The following C16orf95 variants were observed in gnomAD, a reference collection of about 807,000 sequenced individuals.
C16orf95 encodes the protein uncharacterized protein C16orf95.
C16orf95 carries 41 observed loss-of-function variants against 32.1 expected under a neutral mutation model. That is an observed-to-expected ratio of 1.28 (90% CI 1.00 to 1.66). C16orf95 has a LOEUF of 1.66. Ranked by LOEUF, C16orf95 falls within the 40% of genes most tolerant of loss-of-function variation. The pLI, the probability that C16orf95 is intolerant of heterozygous loss-of-function variation, is 0.00. For synonymous variants in C16orf95, 147 were observed against 128.9 expected, an observed-to-expected ratio of 1.14 and a Z score of -0.95; for missense variants, 399 against 325.9, an observed-to-expected ratio of 1.22 and a Z score of -1.73.
chr16:87,312,697 A>G (rs1444918074), intron 3 of C16orf95, among the ~76,000 whole-genome samples: 1 of 152,156 alleles, frequency 6.6e-6, no homozygotes. Flanking sequence ...TAGCCAGTGT[A>G]TCAAGCAAGA....
chr16:87,303,956 C>CA (rs1910880685), intron 6 of C16orf95, among the ~76,000 whole-genome samples: 2 of 152,154 alleles, frequency 1.3e-5, no homozygotes, highest in South Asian at 4.1e-4. Flanking sequence ...AGCCTGAGGC[C>CA]AGGGCTTAGC....
At chr16:87,317,020 G>C in intron 1 of C16orf95, 71 bp downstream of exon 1, 3 of 1,455,356 alleles carry the variant, frequency 2.1e-6, no homozygotes, top group Non-Finnish European at 2.7e-6. Flanking sequence ...ATAGGTCATG[G>C]AGCAATGCCG....
chr16:87,306,755 A>T (rs2150647775), intron 5 of C16orf95, among the ~76,000 whole-genome samples: 1 of 152,304 alleles, frequency 6.6e-6, no homozygotes, highest in East Asian at 1.9e-4. Flanking sequence ...CTGCTCTCTT[A>T]ATTCTGTGCT....
At chr16:87,310,209 G>A (rs1911217808) in intron 5 of C16orf95, 88 bp downstream of exon 5, 1 of 1,316,412 alleles carries the variant, frequency 7.6e-7, no homozygotes, top group Non-Finnish European at 1.1e-6. Flanking sequence ...GTCTGGTGAT[G>A]AGAGGTCTGC....
intron 3 of C16orf95, among the ~76,000 whole-genome samples, chr16:87,311,933 G>A (rs753258421): frequency 6.6e-6 from 1 of 152,194 alleles, no homozygotes; most frequent in African/African-American, 2.4e-5. Flanking sequence ...ATGGAACAGA[G>A]CTGTCCGGAC....
At chr16:87,312,361 G>C (rs770587789) in intron 3 of C16orf95, among the ~76,000 whole-genome samples, 1 of 152,154 alleles carries the variant, frequency 6.6e-6, no homozygotes, top group Non-Finnish European at 1.5e-5. Context: ...TTGAGATCAG[G>C]TGTTTGAGAC....
intron 5 of C16orf95, among the ~76,000 whole-genome samples, chr16:87,309,268 T>G (rs1258646273): frequency 2.0e-5 from 3 of 152,112 alleles, no homozygotes; most frequent in Non-Finnish European, 4.4e-5. Flanking sequence ...TTCAGATATG[T>G]TATAATAAGT....
In C16orf95 at chr16:87,302,937, T is replaced by C; in HGVS notation, c.*120A>G. On this transcript the variant is annotated 3_prime_UTR_variant, in exon 7 of 7. Transcript: ENST00000567970. ...AATCATTTGGGTTGAATCCTGGGTG[T>C]GGATTCTGTTCTGAGAAGACAGCGA... 9.7e-7 allele frequency: 1 copy of C among 1,027,180 alleles called. No individual in the cohort carries two copies. Among genetic ancestry groups the C allele is most frequent in the Non-Finnish European group, 1.5e-6 (1 of 683,948 alleles). 63.6% of individuals were successfully genotyped at this position (1,027,180 alleles called of 1,614,324 possible).
intron 5 of C16orf95, among the ~76,000 whole-genome samples, chr16:87,307,319 CTA>C (rs900125459): frequency 1.1e-4 from 17 of 152,144 alleles, no homozygotes; most frequent in Non-Finnish European, 2.5e-4. Flanking sequence ...TCCCCATATA[CTA>C]TGTCATGAGA....
At chr16:87,312,664 C>G (rs971529018) in intron 3 of C16orf95, among the ~76,000 whole-genome samples, 3 of 151,854 alleles carry the variant, frequency 2.0e-5, no homozygotes, top group Admixed American at 1.3e-4. Flanking sequence ...TCACTGCTCT[C>G]TTCAACACTG....
intron 3 of C16orf95, among the ~76,000 whole-genome samples, chr16:87,313,031 T>C (rs1911352875): frequency 6.6e-6 from 1 of 152,158 alleles, no homozygotes; most frequent in Non-Finnish European, 1.5e-5. Context: ...AAAACCTAAA[T>C]AAACATAGAA....
intron 5 of C16orf95, among the ~76,000 whole-genome samples, chr16:87,307,273 A>G (rs945007655): frequency 1.3e-5 from 2 of 152,216 alleles, no homozygotes; most frequent in African/African-American, 4.8e-5. Flanking sequence ...CCTTTTAGAG[A>G]CAAAGAAAGT....
rs1420655086 is a variant in C16orf95, at chr16:87,305,541, GGCA to G, written c.701+175_701+177del. On this transcript the variant is annotated intron_variant, in intron 6 of 6. Transcript: ENST00000567970. The surrounding 1 kb of genome is among the most constrained non-coding windows in gnomAD (Gnocchi z 4.2). The stretch of plus-strand genomic sequence containing the variant: ...GCCCTGGCATCTCTAGGTGACGCGG[GGCA>G]GAGCCTGCGCTGTGCAGAGCACCAC... Among the ~76,000 whole-genome samples the G allele has an allele frequency of 1.3e-5, 2 of 150,672 alleles. No homozygotes were observed. The highest frequency in any genetic ancestry group is 3.0e-5 in the Non-Finnish European group (2 of 67,792).
At chr16:87,312,918 A>C (rs1405257115) in intron 3 of C16orf95, among the ~76,000 whole-genome samples, 1 of 152,234 alleles carries the variant, frequency 6.6e-6, no homozygotes, top group African/African-American at 2.4e-5. Context: ...GAAATTCAAA[A>C]ACAATGTCAT....
intron 5 of C16orf95, among the ~76,000 whole-genome samples, chr16:87,309,166 T>G (rs1275901608): frequency 6.6e-6 from 1 of 152,150 alleles, no homozygotes; most frequent in Non-Finnish European, 1.5e-5. Flanking sequence ...ATGTTTGTTT[T>G]GGGTTCAATT....
intron 6 of C16orf95, among the ~76,000 whole-genome samples, chr16:87,304,729 TAGG>T (rs1271877432): frequency 6.6e-6 from 1 of 152,030 alleles, no homozygotes; most frequent in Admixed American, 6.5e-5. Context: ...CGTCCAACTC[TAGG>T]AGAATGGATA....
In C16orf95 at chr16:87,317,152, GC is replaced by G; in HGVS notation, c.90del (p.Pro31ArgfsTer75). ...TGAASGAAAG[G>X]PGAGCVGLCR... is the part of the protein sequence containing the mutation. Reference sequence around the variant, plus strand: ...CAGAGCCCGACGCACCCCGCGCCCGGCCCCCCGGCAGCAGCGCCTGAGGCTG... The same window carrying G: ...CAGAGCCCGACGCACCCCGCGCCCGGCCCCCGGCAGCAGCGCCTGAGGCTG... On this transcript the variant is annotated frameshift_variant, in exon 1 of 7. Coordinates refer to ENST00000567970, the MANE Select transcript of C16orf95 (RefSeq NM_001195124.3). LOFTEE classifies it high-confidence loss of function. 5.2e-6 allele frequency: 8 copies of G among 1,531,520 alleles called. No individual in the cohort carries two copies. The highest frequency in any genetic ancestry group is 4.0e-5 in the Admixed American group (2 of 50,376). 94.9% of individuals were successfully genotyped at this position (1,531,520 alleles called of 1,614,324 possible).
rs1911223942 is a variant in C16orf95 at position 87,310,322 on chromosome 16, C to T, written c.489G>A (p.Arg163=). 4 of 1,536,124 alleles carry T rather than the reference C, an allele frequency of 2.6e-6. No individual in the cohort carries two copies. Among genetic ancestry groups the T allele is most frequent in the Non-Finnish European group, 3.5e-6 (4 of 1,146,900 alleles). Residue 163 remains arginine, a synonymous_variant, in exon 5 of 7, where the codon AGG becomes AGA. Coordinates refer to ENST00000567970, the MANE Select transcript of C16orf95 (RefSeq NM_001195124.3). ...VLRSQQQIVR[R]QQSLKGIQAP... ...CTTGGATGCCTTTCAAACTCTGCTG[C>T]CTCCTGACTATCTAAAAGACAAGAA...
At chr16:87,313,205 A>AG (rs1315518289) in intron 3 of C16orf95, among the ~76,000 whole-genome samples, 2 of 152,014 alleles carry the variant, frequency 1.3e-5, no homozygotes, top group South Asian at 2.1e-4. Context: ...AAAAAAAAAA[A>AG]AGAGAAAAGC....
Sources: allele counts gnomAD v4.1 joint callset (sites outside exome capture counted in the v4.1 genomes callset), GRCh38; gene constraint gnomAD v4.1.1; non-coding constraint Gnocchi (gnomAD v3.1); transcripts MANE v1.5; gene names NCBI Gene and HGNC (gene_info 2026-07-23, HGNC 2026-07-21).